NLRC5: variants seen among roughly 807,000 people sequenced by gnomAD.
The protein encoded by NLRC5 is NLR family CARD domain containing 5, also known as protein NLRC5.
A neutral mutation model predicts 206.9 loss-of-function variants in NLRC5; 114 were observed. The ratio of observed to expected loss-of-function variants is 0.55; its 90% CI spans 0.47 to 0.64. The LOEUF (loss-of-function observed/expected upper bound fraction) is 0.64. NLRC5 is among the 30% of genes least tolerant of loss of function. The probability of loss-of-function intolerance (pLI) is 0.00; values close to 1 mark genes in which losing one functional copy is unlikely to be tolerated. For synonymous variants in NLRC5, 952 were observed against 962.8 expected (o/e 0.99, Z 0.21); for missense variants, 2,008 against 2,305.5 (o/e 0.87, Z 2.64).
intron 38 of NLRC5, among the ~76,000 whole-genome samples, chr16:57,073,920 G>A (rs541560970): frequency 6.6e-6 from 1 of 152,314 alleles, no homozygotes; most frequent in African/African-American, 2.4e-5. Context: ...GTGTGAACTC[G>A]TGCCAGTCCC....
At chr16:57,078,968 C>T (rs764651228) in intron 43 of NLRC5, 82 bp from the exon 44 acceptor site, 19 of 1,281,570 alleles carry the variant, frequency 1.5e-5, no homozygotes, top group Non-Finnish European at 2.1e-5. Context: ...CGGGCTGGCA[C>T]TGCAGCCTGA....
At chr16:57,036,304 C>A in intron 14 of NLRC5, 121 bp downstream of exon 14, 1 of 873,284 alleles carries the variant, frequency 1.1e-6, no homozygotes, top group South Asian at 1.5e-5. Context: ...CCTCCCAACT[C>A]CAGCAAAGTC....
chr16:57,078,081 TG>T (rs11432614), intron 43 of NLRC5, 61 bp downstream of exon 43: 101 of 1,337,514 alleles, frequency 7.6e-5, no homozygotes, highest in Middle Eastern at 4.7e-4. Flanking sequence ...TCGGGAGCAG[TG>T]GGGGGGTCCA....
At position 56,995,636 on chromosome 16, in the gene NLRC5, C is replaced by T. The variant is rs529625866; in HGVS notation, c.-128+6019C>T. On this transcript the variant is annotated intron_variant, in intron 1 of 48. Transcript: ENST00000688547. ...TGTACCATCGCCAGACCCTCAAGAA[C>T]CCCTTGTCCTGCACGGTCCCTTCTG... Among the ~76,000 whole-genome samples, 9 of 152,252 alleles carry T rather than the reference C, an allele frequency of 5.9e-5. No individual in the cohort carries two copies. The South Asian group carries it at 1.0e-3, about 18-fold the overall frequency.
rs779936355 is a variant in NLRC5 at position 57,067,509 on chromosome 16, C to A, written c.4406+39C>A. The A allele has an allele frequency of 3.2e-6, 5 of 1,577,448 alleles. No individual in the cohort carries two copies. In the East Asian group the frequency reaches 1.1e-4, roughly 35 times the overall value. On this transcript the variant is annotated intron_variant, in intron 35 of 48. Coordinates refer to ENST00000688547, the MANE Select transcript of NLRC5 (RefSeq NM_001384950.1). The stretch of plus-strand genomic sequence containing the variant: ...AACTCTGTGTGGGGCCCTGAGTTCT[C>A]TGGTTGACCCTGGTACCTACTCCAG...
At chr16:57,008,217 G>A (rs868507245) in intron 1 of NLRC5, among the ~76,000 whole-genome samples, 8 of 151,960 alleles carry the variant, frequency 5.3e-5, no homozygotes, top group Non-Finnish European at 1.0e-4. Flanking sequence ...GCAAGACCCC[G>A]CCTCTATTTT....
At chr16:57,001,711 G>GTTTC (rs1332517010) in intron 1 of NLRC5, among the ~76,000 whole-genome samples, 3 of 152,206 alleles carry the variant, frequency 2.0e-5, no homozygotes, top group Non-Finnish European at 4.4e-5. Flanking sequence ...GGTAAATGGG[G>GTTTC]TTTCCATCAC....
chr16:57,060,074 TG>T (rs2066245102), intron 30 of NLRC5, among the ~76,000 whole-genome samples: 1 of 150,652 alleles, frequency 6.6e-6, no homozygotes, highest in South Asian at 2.1e-4. Flanking sequence ...TCATTACCCC[TG>T]GTAGCCCTGA....
intron 17 of NLRC5, among the ~76,000 whole-genome samples, 175 bp downstream of exon 17, chr16:57,040,893 C>G (rs1597314424): frequency 6.6e-6 from 1 of 152,054 alleles, no homozygotes. Context: ...GCCCAGCCCA[C>G]CCCAGACAGG....
At chr16:57,061,584 C>A in intron 31 of NLRC5, 34 bp from the exon 32 acceptor site, 1 of 1,608,968 alleles carries the variant, frequency 6.2e-7, no homozygotes, top group Non-Finnish European at 8.5e-7. Context: ...GGCACCCTGC[C>A]AGAGCCACCT....
At chr16:57,028,447 T>TC (rs2061470471) in intron 8 of NLRC5, 62 bp downstream of exon 8, 8 of 1,306,492 alleles carry the variant, frequency 6.1e-6, no homozygotes, top group Admixed American at 5.1e-5. Context: ...GGTCCCAGAG[T>TC]CCCCCTGGGG....
In NLRC5 at chr16:57,025,448, C is replaced by A. The variant is rs748681284; in HGVS notation, c.505C>A (p.Pro169Thr). ...YRSQIPGSGQ[P>T]HAFHQVYVPP... is the part of the protein sequence containing the mutation. The stretch of plus-strand genomic sequence containing the variant: ...GAGCCAAATCCCTGGGTCAGGGCAG[C>A]CCCACGCCTTCCACCAGGTCTATGT... The change falls in exon 6 of 49, where the codon CCC becomes ACC. Residue 169 changes from proline to threonine, a missense_variant. By Grantham distance (38) the Pro-to-Thr change is conservative. Coordinates refer to ENST00000688547, the MANE Select transcript of NLRC5 (RefSeq NM_001384950.1). 1.6e-5 allele frequency: 25 copies of A among 1,608,028 alleles called. No homozygotes were observed. The highest frequency in any genetic ancestry group is 5.1e-6 in the Non-Finnish European group (6 of 1,176,658).
At chr16:56,995,776 GTC>G (rs2057528490) in intron 1 of NLRC5, among the ~76,000 whole-genome samples, 1 of 152,204 alleles carries the variant, frequency 6.6e-6, no homozygotes, top group South Asian at 2.1e-4. Flanking sequence ...TGTTTTGTGT[GTC>G]TCTCAATAGT....
intron 20 of NLRC5, chr16:57,043,894 T>C: frequency 2.5e-6 from 1 of 392,608 alleles, no homozygotes; most frequent in South Asian, 3.0e-5. Flanking sequence ...TTTTTTTTTT[T>C]AGGATTTTTT....
rs1313567347 is a variant in NLRC5 at position 57,082,966 on chromosome 16, C to G, written c.*438C>G. 1 of 155,136 alleles carries G rather than the reference C, an allele frequency of 6.4e-6. No individual in the cohort carries two copies. The highest frequency in any genetic ancestry group is 1.4e-5 in the Non-Finnish European group (1 of 70,128). The allele number at this position is 155,136 out of a possible 1,614,324, so 9.6% of individuals were successfully genotyped here. ...CATGACAAATGTCCATGTCACAGGA[C>G]TCATGGCTGGCCAGATGACCTCAGG... On this transcript the variant is annotated 3_prime_UTR_variant, in exon 49 of 49. Coordinates refer to ENST00000688547, the MANE Select transcript of NLRC5 (RefSeq NM_001384950.1).
intron 1 of NLRC5, among the ~76,000 whole-genome samples, chr16:57,002,962 G>C (rs1359577964): frequency 6.6e-6 from 1 of 151,894 alleles, no homozygotes; most frequent in Non-Finnish European, 1.5e-5. Context: ...GTTTTTTGAG[G>C]TACCTCCGAA....
chr16:57,044,434 G>A (rs1004478633), intron 20 of NLRC5, among the ~76,000 whole-genome samples: 5 of 152,178 alleles, frequency 3.3e-5, no homozygotes, highest in Admixed American at 6.5e-5. Flanking sequence ...GCCACCCCAG[G>A]CACTCAGGGC....
intron 1 of NLRC5, among the ~76,000 whole-genome samples, chr16:57,005,229 T>G (rs2058758727): frequency 6.6e-6 from 1 of 152,218 alleles, no homozygotes; most frequent in Non-Finnish European, 1.5e-5. Flanking sequence ...GTAAAAAACT[T>G]TATGCATTTG....
chr16:56,991,380 T>C (rs1234279857), intron 1 of NLRC5, among the ~76,000 whole-genome samples: 5 of 300 alleles, frequency 0.017, no homozygotes, highest in African/African-American at 0.049. Context: ...TCTTTATTCC[T>C]TTTTTTTTTT....
Sources: gnomAD v4.1 joint callset for allele counts (sites outside exome capture counted in the v4.1 genomes callset) on GRCh38, gnomAD v4.1.1 for gene constraint, MANE v1.5 for transcripts, NCBI Gene and HGNC (gene_info 2026-07-23, HGNC 2026-07-21) for gene names.